DCC: variants seen among roughly 807,000 people sequenced by gnomAD.
DCC encodes the protein netrin receptor DCC.
In DCC, 58 loss-of-function variants were observed where a neutral mutation model predicts 172.5. The observed-to-expected ratio is 0.34, with a 90% CI of 0.27 to 0.42. The LOEUF is 0.42. DCC is among the 10% of genes least tolerant of loss of function. The pLI is 1.00. For missense variants in DCC, 1,740 were observed against 1,791.0 expected (o/e 0.97, Z 0.51); for synonymous variants, 709 against 644.5 (o/e 1.10, Z -1.52).
intron 2 of DCC, among the ~76,000 whole-genome samples, chr18:52,874,699 G>A (rs2039375904): frequency 6.6e-6 from 1 of 152,032 alleles, no homozygotes; most frequent in Non-Finnish European, 1.5e-5. Flanking sequence ...TTAATGAAAT[G>A]GCCATTGAGA....
At chr18:53,132,561 C>T (rs1042452067) in intron 7 of DCC, among the ~76,000 whole-genome samples, 11 of 152,110 alleles carry the variant, frequency 7.2e-5, no homozygotes, top group Non-Finnish European at 1.6e-4. Flanking sequence ...GATGCTTTAT[C>T]CCAATATGTA....
At chr18:52,721,319 G>A in intron 1 of DCC, among the ~76,000 whole-genome samples, 1 of 152,174 alleles carries the variant, frequency 6.6e-6, no homozygotes, top group Non-Finnish European at 1.5e-5. Context: ...GTAATTTAAT[G>A]TTGGGCTGTT....
chr18:52,792,404 C>A (rs2037788262), intron 2 of DCC, among the ~76,000 whole-genome samples: 1 of 152,154 alleles, frequency 6.6e-6, no homozygotes, highest in Non-Finnish European at 1.5e-5. Flanking sequence ...AGTTGGAGAT[C>A]CTGTTGCCAA....
intron 1 of DCC, among the ~76,000 whole-genome samples, chr18:52,577,869 A>G (rs1253658042): frequency 6.6e-6 from 1 of 152,226 alleles, no homozygotes; most frequent in Non-Finnish European, 1.5e-5. Flanking sequence ...CTTAATATTA[A>G]AAACAAGTAG....
At chr18:53,202,909 C>T (rs1827931399) in intron 9 of DCC, among the ~76,000 whole-genome samples, 1 of 152,090 alleles carries the variant, frequency 6.6e-6, no homozygotes, top group African/African-American at 2.4e-5. Context: ...GCCTGAAAGT[C>T]AATGTATTTA....
chr18:52,764,645 C>A (rs2037215092), intron 2 of DCC, among the ~76,000 whole-genome samples: 1 of 152,198 alleles, frequency 6.6e-6, no homozygotes, highest in African/African-American at 2.4e-5. Context: ...CAGCTTGAGG[C>A]CCTTATCAGA....
At chr18:52,800,019 AGTT>A (rs2145224810) in intron 2 of DCC, among the ~76,000 whole-genome samples, 1 of 152,344 alleles carries the variant, frequency 6.6e-6, no homozygotes, top group South Asian at 2.1e-4. Flanking sequence ...AAGACGTAGT[AGTT>A]GTCAACAAAC....
chr18:53,120,653 C>A (rs952840205), intron 7 of DCC, among the ~76,000 whole-genome samples: 3 of 151,672 alleles, frequency 2.0e-5, no homozygotes, highest in Non-Finnish European at 2.9e-5. Context: ...TAGAATAAAG[C>A]CACAAGCTAT....
At chr18:52,357,024 A>T (rs1261402682) in intron 1 of DCC, among the ~76,000 whole-genome samples, 3 of 152,068 alleles carry the variant, frequency 2.0e-5, no homozygotes, top group African/African-American at 7.2e-5. Flanking sequence ...ATGTCAGGTG[A>T]AATGTCCACC....
chr18:52,460,750 A>T (rs2144537551), intron 1 of DCC, among the ~76,000 whole-genome samples: 1 of 152,288 alleles, frequency 6.6e-6, no homozygotes, highest in Middle Eastern at 3.4e-3. Flanking sequence ...AAAATATCTA[A>T]ACATAGAAAA....
At chr18:52,506,669 C>T (rs1178972310) in intron 1 of DCC, among the ~76,000 whole-genome samples, 1 of 151,966 alleles carries the variant, frequency 6.6e-6, no homozygotes, top group Non-Finnish European at 1.5e-5. Context: ...GTCTATAAAT[C>T]CTCTCTTTCC....
chr18:52,821,521 C>A (rs2038406837), intron 2 of DCC, among the ~76,000 whole-genome samples: 2 of 152,018 alleles, frequency 1.3e-5, no homozygotes, highest in Non-Finnish European at 2.9e-5. Flanking sequence ...CCATTCTTGT[C>A]TCCCTTCATC....
chr18:53,319,783 C>G (rs528433889), intron 13 of DCC, among the ~76,000 whole-genome samples: 1 of 152,186 alleles, frequency 6.6e-6, no homozygotes, highest in Non-Finnish European at 1.5e-5. Flanking sequence ...CAGTTCTGCA[C>G]TTAAGGTCTT....
chr18:53,020,746 A>G (rs891001099), intron 5 of DCC, among the ~76,000 whole-genome samples: 1 of 152,154 alleles, frequency 6.6e-6, no homozygotes, highest in Non-Finnish European at 1.5e-5. Context: ...TGAGATCTGT[A>G]GGGTATGGTG....
chr18:52,720,089 G>A lies in DCC; in HGVS notation c.92-31965G>A, dbSNP rs530413290. On this transcript the variant is annotated intron_variant, in intron 1 of 28. Coordinates refer to ENST00000442544, the MANE Select transcript of DCC (RefSeq NM_005215.4). ...AGCAGGCTAGGTATGATACGGTGGC[G>A]CAGGCAGCTGGAGCAGAGACCCTGG... 1.2e-4 allele frequency among the ~76,000 whole-genome samples: 18 copies of A among 152,110 alleles called. No individual in the cohort carries two copies. In the South Asian group the frequency reaches 1.5e-3, roughly 12 times the overall value.
At chr18:52,884,214 C>T (rs1189497231) in intron 2 of DCC, among the ~76,000 whole-genome samples, 1 of 152,004 alleles carries the variant, frequency 6.6e-6, no homozygotes, top group Non-Finnish European at 1.5e-5. Context: ...AATAAACCTT[C>T]TTGTGCTTGA....
Position 53,226,948 on chromosome 18 carries a change from A to ATATATTTTTTTTT in DCC, c.1911+11352_1911+11353insATATTTTTTTTTT. ...TGTGTGTGTGTGTATATATATATAT[A>ATATATTTTTTTTT]TTTTTTTTTTTTTTTTTTTGAGGCA... On this transcript the variant is annotated intron_variant, in intron 12 of 28. Coordinates refer to ENST00000442544, the MANE Select transcript of DCC (RefSeq NM_005215.4). Among the ~76,000 whole-genome samples the ATATATTTTTTTTT allele has an allele frequency of 1.8e-3, 93 of 52,938 alleles. 4 individuals carry two copies. The highest frequency in any genetic ancestry group is 7.8e-3 in the African/African-American group (83 of 10,604). The allele number at this position is 52,938 out of a possible 152,430, so 34.7% of individuals were successfully genotyped here. A position where few individuals can be genotyped will look rare whatever the true frequency, so the allele number is the denominator to read the frequency against.
At chr18:52,748,988 G>A (rs2036953056) in intron 1 of DCC, among the ~76,000 whole-genome samples, 2 of 152,176 alleles carry the variant, frequency 1.3e-5, no homozygotes, top group South Asian at 4.1e-4. Flanking sequence ...ACTGAGGTCA[G>A]GAGTTTGAGA....
chr18:53,108,681 C>A (rs898441964), intron 7 of DCC, among the ~76,000 whole-genome samples: 28 of 151,578 alleles, frequency 1.8e-4, no homozygotes, highest in Non-Finnish European at 3.0e-4. Context: ...GAATGGAATC[C>A]CACCATGTAT....
Sources: allele counts gnomAD v4.1 joint callset (sites outside exome capture counted in the v4.1 genomes callset), GRCh38; gene constraint gnomAD v4.1.1; transcripts MANE v1.5; gene names NCBI Gene and HGNC (gene_info 2026-07-23, HGNC 2026-07-21).